The following DEGS2 variants were observed in gnomAD, a reference collection of about 807,000 sequenced individuals.
The protein encoded by DEGS2 is sphingolipid delta(4)-desaturase/C4-monooxygenase DES2.
A neutral mutation model predicts 23.8 loss-of-function variants in DEGS2; 19 were observed. The observed-to-expected ratio is 0.80, with a 90% confidence interval of 0.56 to 1.17. The LOEUF (loss-of-function observed/expected upper bound fraction) is 1.17, where lower values mean the gene tolerates loss of function less well. Ranked by LOEUF, DEGS2 falls within the 50% of genes most tolerant of loss-of-function variation. The pLI is 0.00. For synonymous variants in DEGS2, 218 were observed against 213.7 expected (o/e 1.02, Z -0.18); for missense variants, 390 against 459.5 (o/e 0.85, Z 1.38).
chr14:100,149,347 T>G lies in DEGS2; in HGVS notation c.446A>C (p.Glu149Ala), dbSNP rs1282398308. ...GLDVDVPTRL[E>A]GWFFCTPARK... ...GGCGGGTGTGCAGAAGAACCAGCCC[T>G]CCAGACGCGTGGGCACGTCCACGTC... Residue 149 changes from glutamate to alanine, a missense_variant, in exon 2 of 3, where the codon GAG (glutamate) becomes GCG (alanine). Transcript: ENST00000305631. The G allele has an allele frequency of 6.2e-7, 1 of 1,609,526 alleles. No individual in the cohort carries two copies. The highest frequency in any genetic ancestry group is 8.5e-7 in the Non-Finnish European group (1 of 1,178,022).
At position 100,158,800 on chromosome 14, in the gene DEGS2, C is replaced by A. The variant is rs542404616; in HGVS notation, c.82+706G>T. 1.9e-4 allele frequency among the ~76,000 whole-genome samples: 29 copies of A among 152,264 alleles called. No individual in the cohort carries two copies. In the East Asian group the frequency reaches 2.7e-3, roughly 14 times the overall value. On this transcript the variant is annotated intron_variant, in intron 1 of 2. Coordinates refer to ENST00000305631, the MANE Select transcript of DEGS2 (RefSeq NM_206918.3). ...TAAGCCCGGGCCAAGGACGACTCAC[C>A]GGGGCCACCTTGCTTGTGGGTGGGA...
Position 100,149,188 on chromosome 14 carries a change from G to C in DEGS2, c.605C>G (p.Ala202Gly). 1 of 1,612,680 alleles carries C rather than the reference G, an allele frequency of 6.2e-7. No individual in the cohort carries two copies. Among genetic ancestry groups the C allele is most frequent in the Non-Finnish European group, 8.5e-7 (1 of 1,179,816 alleles). Residue 202 changes from alanine to glycine, a missense_variant, in exon 2 of 3, where the codon GCC (alanine) becomes GGC (glycine). Transcript: ENST00000305631. ...GACCACGGGCTTGAGCCCCCAAAGGGCAAAGATGGCCAGGTCGGCCGCCAG... is the reference window on the plus strand; with the variant it reads ...GACCACGGGCTTGAGCCCCCAAAGGCCAAAGATGGCCAGGTCGGCCGCCAG... ...VQLAADLAIFALWGLKPVVYL... is the reference protein window; with the variant it reads ...VQLAADLAIFGLWGLKPVVYL...
Position 100,146,653 on chromosome 14 carries a change from A to G in DEGS2, c.*108T>C. 1 of 1,476,112 alleles carries G rather than the reference A, an allele frequency of 6.8e-7. No individual in the cohort carries two copies. Among genetic ancestry groups the G allele is most frequent in the Non-Finnish European group, 9.1e-7 (1 of 1,099,840 alleles). 91.4% of individuals were successfully genotyped at this position (1,476,112 alleles called of 1,614,324 possible). Reference sequence around the variant, plus strand: ...GCTGCGCGGGACACTCCTCGGGGACAAGGGCAGCAGTCCAGAGCACAGGAA... The same window carrying G: ...GCTGCGCGGGACACTCCTCGGGGACGAGGGCAGCAGTCCAGAGCACAGGAA... On this transcript the variant is annotated 3_prime_UTR_variant, in exon 3 of 3. Coordinates refer to ENST00000305631, the MANE Select transcript of DEGS2 (RefSeq NM_206918.3).
In DEGS2 at chr14:100,145,025, C is replaced by CTT. The variant is rs1889412634; in HGVS notation, c.*1734_*1735dup. 1 of 152,322 alleles carries CTT rather than the reference C, an allele frequency of 6.6e-6. No individual in the cohort carries two copies. The highest frequency in any genetic ancestry group is 2.4e-5 in the African/African-American group (1 of 41,466). The allele number at this position is 152,322 out of a possible 1,614,324, so 9.4% of individuals were successfully genotyped here. Reference sequence around the variant, plus strand: ...TAGGCTTCACCTAGGTCTGGTGGCACTTTTAACCCAGGGCCTGCAGACCAC... The same window carrying CTT: ...TAGGCTTCACCTAGGTCTGGTGGCACTTTTTTAACCCAGGGCCTGCAGACCAC... On this transcript the variant is annotated 3_prime_UTR_variant, in exon 3 of 3. Coordinates refer to ENST00000305631, the MANE Select transcript of DEGS2 (RefSeq NM_206918.3).
chr14:100,144,005 G>A lies in DEGS2; in HGVS notation c.*2756C>T. The stretch of plus-strand genomic sequence containing the variant: ...TGCTTATTTAAGGTACATTTCTTTG[G>A]GTTTCTAGAGACGCCCCTAAGTCAC... On this transcript the variant is annotated 3_prime_UTR_variant, in exon 3 of 3. Coordinates refer to ENST00000305631, the MANE Select transcript of DEGS2 (RefSeq NM_206918.3). 5.9e-6 allele frequency: 3 copies of A among 510,048 alleles called. No individual in the cohort carries two copies. The South Asian group carries it at 8.4e-5, about 14-fold the overall frequency. The allele number at this position is 510,048 out of a possible 1,614,324, so 31.6% of individuals were successfully genotyped here.
At chr14:100,154,121 T>C (rs1889618976) in intron 1 of DEGS2, among the ~76,000 whole-genome samples, 2 of 152,076 alleles carry the variant, frequency 1.3e-5, no homozygotes. Context: ...TCCCAGCACT[T>C]TGGGAGGCTG....
At chr14:100,154,773 G>A (rs1367757350) in intron 1 of DEGS2, among the ~76,000 whole-genome samples, 1 of 152,204 alleles carries the variant, frequency 6.6e-6, no homozygotes, top group Non-Finnish European at 1.5e-5. Flanking sequence ...TGAGCAGAGG[G>A]ACCGCATCAG....
At chr14:100,156,291 A>G (rs545251185) in intron 1 of DEGS2, among the ~76,000 whole-genome samples, 431 of 152,328 alleles carry the variant, frequency 2.8e-3, no homozygotes, top group African/African-American at 9.6e-3. Flanking sequence ...CTCTTCTATA[A>G]AGAGATGCTG....
upstream of DEGS2, among the ~76,000 whole-genome samples, chr14:100,163,274 C>G (rs1249135717): frequency 6.6e-6 from 1 of 151,920 alleles, no homozygotes; most frequent in African/African-American, 2.4e-5. Flanking sequence ...AACCCTGTCT[C>G]TACTAAAAAT....
intron 1 of DEGS2, among the ~76,000 whole-genome samples, chr14:100,158,541 AAATT>A (rs1164736590): frequency 1.3e-5 from 2 of 152,236 alleles, no homozygotes; most frequent in Non-Finnish European, 1.5e-5. Context: ...CTAAATAAAT[AAATT>A]AATTAAATTA....
In DEGS2 at chr14:100,146,613, C is replaced by T; in HGVS notation, c.*148G>A. The T allele has an allele frequency of 8.7e-7, 1 of 1,155,880 alleles. No individual in the cohort carries two copies. Among genetic ancestry groups the T allele is most frequent in the Non-Finnish European group, 1.2e-6 (1 of 821,480 alleles). 71.6% of individuals were successfully genotyped at this position (1,155,880 alleles called of 1,614,324 possible). On this transcript the variant is annotated 3_prime_UTR_variant, in exon 3 of 3. Transcript: ENST00000305631. ...AGACGGAGCCCTGCAGCCCACACTG[C>T]TGTTGCCAGGTGTGGCTGCGCGGGA...
At chr14:100,166,538 G>T in the DEGS2 span, among the ~76,000 whole-genome samples, 1 of 152,136 alleles carries the variant, frequency 6.6e-6, no homozygotes, top group African/African-American at 2.4e-5. Flanking sequence ...GGAGGAGGTC[G>T]CCAGTGGATT....
chr14:100,161,584 C>T (rs1271008614), upstream of DEGS2, among the ~76,000 whole-genome samples: 1 of 152,112 alleles, frequency 6.6e-6, no homozygotes, highest in East Asian at 1.9e-4. Context: ...AGAAAAAGGA[C>T]ATTAGGTAAA....
At chr14:100,166,298 C>CAT in the DEGS2 span, among the ~76,000 whole-genome samples, 1 of 34,440 alleles carries the variant, frequency 2.9e-5, no homozygotes, top group African/African-American at 2.6e-4. Context: ...GGGGAGCCTG[C>CAT]CCGGGGCTGT....
Position 100,149,182 on chromosome 14 carries a change from C to T in DEGS2, c.611G>A (p.Trp204Ter). The change falls in exon 2 of 3, where the codon TGG becomes TAG. Residue 204 changes from tryptophan (W) to a stop codon, truncating the protein, a stop_gained. Transcript: ENST00000305631. LOFTEE classifies it high-confidence loss of function. The stretch of plus-strand genomic sequence containing the variant: ...CAGGTAGACCACGGGCTTGAGCCCC[C>T]AAAGGGCAAAGATGGCCAGGTCGGC... ...LAADLAIFAL[W>*]GLKPVVYLLA... 6.2e-7 allele frequency: 1 copy of T among 1,612,792 alleles called. No individual in the cohort carries two copies. Among genetic ancestry groups the T allele is most frequent in the Non-Finnish European group, 8.5e-7 (1 of 1,179,894 alleles).
upstream of DEGS2, among the ~76,000 whole-genome samples, chr14:100,162,910 G>C (rs1889766337): frequency 6.6e-6 from 1 of 152,220 alleles, no homozygotes; most frequent in Admixed American, 6.5e-5. Context: ...GCAGAAAACA[G>C]GCCAGAAGAC....
At chr14:100,157,189 C>T (rs180674031) in intron 1 of DEGS2, among the ~76,000 whole-genome samples, 5 of 152,318 alleles carry the variant, frequency 3.3e-5, no homozygotes, top group Middle Eastern at 3.4e-3. Context: ...CCTGGTAGGA[C>T]GACTGCCCGT....
chr14:100,160,568 C>T (rs1459711052), upstream of DEGS2, among the ~76,000 whole-genome samples: 2 of 152,230 alleles, frequency 1.3e-5, no homozygotes, highest in African/African-American at 4.8e-5. Flanking sequence ...CTCCCACTCC[C>T]TTGGAGTTTT....
At position 100,159,544 on chromosome 14, in the gene DEGS2, G is replaced by A. The variant is rs1192019089; in HGVS notation, c.44C>T (p.Thr15Ile). ...ASRSDFEWVY[T>I]DQPHTQRRKE... ...GCGCCGCTGCGTGTGCGGCTGGTCG[G>A]TGTAGACCCACTCGAAGTCGCTGCG... is the stretch of plus-strand genomic sequence containing the variant. Residue 15 changes from threonine (T) to isoleucine (I), a missense_variant, in exon 1 of 3, where the codon ACC (threonine) becomes ATC (isoleucine). Transcript: ENST00000305631. 28 of 1,509,830 alleles carry A rather than the reference G, an allele frequency of 1.9e-5. No homozygotes were observed. Among genetic ancestry groups the A allele is most frequent in the Non-Finnish European group, 2.3e-5 (26 of 1,131,000 alleles). The allele number at this position is 1,509,830 out of a possible 1,614,324, so 93.5% of individuals were successfully genotyped here.
Sources: gnomAD v4.1 joint callset for allele counts (sites outside exome capture counted in the v4.1 genomes callset) on GRCh38, gnomAD v4.1.1 for gene constraint, MANE v1.5 for transcripts, NCBI Gene and HGNC (gene_info 2026-07-23, HGNC 2026-07-21) for gene names.